The following SLC52A3 variants were observed in gnomAD, a reference collection of about 807,000 sequenced individuals.
SLC52A3 encodes the protein solute carrier family 52 member 3, also known as solute carrier family 52, riboflavin transporter, member 3.
In SLC52A3, 20 loss-of-function variants were observed where a neutral mutation model predicts 29.5. That is an observed-to-expected ratio of 0.68 (90% confidence interval 0.48 to 0.99). The LOEUF (loss-of-function observed/expected upper bound fraction) is 0.99. Among genes scored for constraint, SLC52A3 ranks in the 50% least tolerant of loss-of-function variants. The probability of loss-of-function intolerance (pLI) is 0.00; values close to 1 mark genes in which losing one functional copy is unlikely to be tolerated. For missense variants in SLC52A3, 548 were observed against 612.9 expected, an observed-to-expected ratio of 0.89 and a Z score of 1.12; for synonymous variants, 301 against 271.0, an observed-to-expected ratio of 1.11 and a Z score of -1.09.
At chr20:767,768 C>T (rs984779670) in intron 1 of SLC52A3, among the ~76,000 whole-genome samples, 2 of 152,064 alleles carry the variant, frequency 1.3e-5, no homozygotes, top group African/African-American at 4.8e-5. Flanking sequence ...TTTTTTCCTC[C>T]TGAAATTATA....
Position 765,551 on chromosome 20 carries a change from A to G in SLC52A3, c.224T>C (p.Ile75Thr), listed in dbSNP as rs797045193. Residue 75 changes from isoleucine (I) to threonine (T), a missense_variant, in exon 2 of 5, where the codon ATC (isoleucine) becomes ACC (threonine). Coordinates refer to ENST00000645534, the MANE Select transcript of SLC52A3 (RefSeq NM_033409.4). The surrounding 1 kb of genome is among the most constrained non-coding windows in gnomAD (Gnocchi z 6.6). ...RPSCLSEVPI[I>T]FTLLGVGTVT... ...GGTTCCCACGCCCAGCAGGGTGAAG[A>G]TGATGGGCACTTCGGAAAGGCAGCT... 16 of 1,577,912 alleles carry G rather than the reference A, an allele frequency of 1.0e-5. No individual in the cohort carries two copies. The highest frequency in any genetic ancestry group is 1.4e-5 in the Non-Finnish European group (16 of 1,161,802).
chr20:775,658 G>A (rs1170541681), intron 1 of SLC52A3, among the ~76,000 whole-genome samples: 7 of 152,128 alleles, frequency 4.6e-5, no homozygotes, highest in African/African-American at 1.4e-4. Context: ...ACTCCAACAT[G>A]CCAGCTGAGG....
chr20:774,347 C>T (rs952289073), intron 1 of SLC52A3, among the ~76,000 whole-genome samples: 1 of 152,338 alleles, frequency 6.6e-6, no homozygotes, highest in Admixed American at 6.5e-5. Flanking sequence ...GGGTTCCAGG[C>T]TCCTGGAGAA....
chr20:761,202 A>G lies in SLC52A3; in HGVS notation c.1234T>C (p.Tyr412His). 2.6e-6 allele frequency: 4 copies of G among 1,562,136 alleles called. No homozygotes were observed. The highest frequency in any genetic ancestry group is 3.5e-6 in the Non-Finnish European group (4 of 1,154,436). The change falls in exon 5 of 5, where the codon TAC (tyrosine) becomes CAC (histidine). Residue 412 changes from tyrosine to histidine, a missense_variant. Tyr to His is a moderately conservative substitution (Grantham distance 83, BLOSUM62 2). This residue lies in a region of SLC52A3 where 173 missense variants were observed against 141.8 expected (regional missense o/e 1.22). Coordinates refer to ENST00000645534, the MANE Select transcript of SLC52A3 (RefSeq NM_033409.4). The part of the protein sequence containing the change: ...SWVLFSGCLS[Y>H]VKVMLGVVLR... ...ACCACGCCCAGCATCACCTTGACGT[A>G]ACTGAGGCAGCCGCTGAAAAGCACC... is the stretch of plus-strand genomic sequence containing the variant.
At chr20:773,331 C>G (rs79883107), upstream of SLC52A3, among the ~76,000 whole-genome samples, 1,336 of 152,242 alleles carry the variant, frequency 8.8e-3, 23 homozygotes, top group African/African-American at 0.031. Flanking sequence ...AAATCTTGTT[C>G]CACAATCCTG....
intron 4 of SLC52A3, 25 bp from the exon 5 acceptor site, chr20:761,263 G>A: frequency 6.5e-7 from 1 of 1,539,210 alleles, no homozygotes; most frequent in Non-Finnish European, 8.8e-7. Context: ...GGGAAGAGGT[G>A]CAGAGTCACG....
chr20:760,714 G>T lies in SLC52A3; in HGVS notation c.*312C>A. On this transcript the variant is annotated 3_prime_UTR_variant, in exon 5 of 5. Transcript: ENST00000645534. The surrounding 1 kb of genome is among the most constrained non-coding windows in gnomAD (Gnocchi z 4.9). ...GGTCACACAGCCTGAAGGGACAGCC[G>T]GCTGTCCCAGCTGTTTCCCTTCTAA... The T allele has an allele frequency of 2.5e-6, 1 of 405,698 alleles. No individual in the cohort carries two copies. Among genetic ancestry groups the T allele is most frequent in the Admixed American group, 3.9e-5 (1 of 25,860 alleles). 25.1% of individuals were successfully genotyped at this position (405,698 alleles called of 1,614,324 possible). A position where few individuals can be genotyped will look rare whatever the true frequency, so the allele number is the denominator to read the frequency against.
rs759513169 is a variant in SLC52A3 at position 765,272 on chromosome 20, T to C, written c.503A>G (p.Asn168Ser). The C allele has an allele frequency of 6.2e-6, 10 of 1,614,118 alleles. No homozygotes were observed. Among genetic ancestry groups the C allele is most frequent in the Non-Finnish European group, 8.5e-6 (10 of 1,180,012 alleles). The change falls in exon 2 of 5, where the codon AAT (asparagine) becomes AGT (serine). Residue 168 changes from asparagine (N) to serine (S), a missense_variant. Physicochemically the swap from Asn to Ser is conservative, Grantham distance 46. Transcript: ENST00000645534. This position sits in a 1 kb window ranked among gnomAD's most constrained non-coding sequence, Gnocchi z 6.6. ...AQGSGLTTCV[N>S]VTEISDSVPS... is the part of the protein sequence containing the mutation. The stretch of plus-strand genomic sequence containing the variant: ...TACGCTGTCTGATATCTCAGTGACA[T>C]TGACGCAGGTAGTGAGACCGGAGCC...
intron 3 of SLC52A3, among the ~76,000 whole-genome samples, chr20:762,636 G>T (rs531925431): frequency 1.1e-4 from 17 of 152,314 alleles, no homozygotes; most frequent in Admixed American, 5.9e-4. Context: ...AACATTTGGG[G>T]TTTCTTGGAT....
upstream of SLC52A3, among the ~76,000 whole-genome samples, chr20:779,936 T>C (rs1987163747): frequency 6.6e-6 from 1 of 152,202 alleles, no homozygotes; most frequent in Admixed American, 6.5e-5. Flanking sequence ...TACCATTAAA[T>C]ACCTATGAGT....
chr20:761,964 G>T, intron 3 of SLC52A3, 140 bp from the exon 4 acceptor site: 1 of 1,306,952 alleles, frequency 7.7e-7, no homozygotes, highest in Non-Finnish European at 1.1e-6. Context: ...CCTGGCTCAA[G>T]TGGGTCAGGG....
intron 1 of SLC52A3, among the ~76,000 whole-genome samples, chr20:766,933 A>G (rs996228049): frequency 2.0e-5 from 3 of 152,230 alleles, no homozygotes; most frequent in African/African-American, 7.2e-5. Flanking sequence ...TTCATTCACA[A>G]TAGGAAAACT....
At position 765,939 on chromosome 20, in the gene SLC52A3, T is replaced by C; in HGVS notation, c.-51-114A>G. 6.6e-6 allele frequency: 4 copies of C among 606,594 alleles called. No individual in the cohort carries two copies. The highest frequency in any genetic ancestry group is 2.1e-5 in the South Asian group (1 of 47,706). The allele number at this position is 606,594 out of a possible 1,614,324, so 37.6% of individuals were successfully genotyped here. On this transcript the variant is annotated intron_variant, in intron 1 of 4. Coordinates refer to ENST00000645534, the MANE Select transcript of SLC52A3 (RefSeq NM_033409.4). This position sits in a 1 kb window ranked among gnomAD's most constrained non-coding sequence, Gnocchi z 6.6. ...TCCCCTTCCTGTGAACAAGCTGGCT[T>C]TTTTTTTTTTCCTTTGAGACATAGT...
chr20:779,265 G>A (rs115235815), upstream of SLC52A3, among the ~76,000 whole-genome samples: 1,197 of 152,300 alleles, frequency 7.9e-3, 17 homozygotes, highest in African/African-American at 0.027. Flanking sequence ...GCATGTCAGA[G>A]ATTGTGTAAA....
intron 1 of SLC52A3, among the ~76,000 whole-genome samples, chr20:767,874 A>G (rs1449727049): frequency 6.6e-6 from 1 of 152,034 alleles, no homozygotes; most frequent in African/African-American, 2.4e-5. Flanking sequence ...GTGGCAGCCC[A>G]CCTGTGCTGT....
At chr20:769,598 A>T (rs1161416189), upstream of SLC52A3, among the ~76,000 whole-genome samples, 2 of 152,334 alleles carry the variant, frequency 1.3e-5, no homozygotes, top group African/African-American at 2.4e-5. Flanking sequence ...AGTTGCATTC[A>T]AAAACATGTA....
At chr20:769,176 A>G (rs1986775778), upstream of SLC52A3, among the ~76,000 whole-genome samples, 1 of 152,236 alleles carries the variant, frequency 6.6e-6, no homozygotes, top group Admixed American at 6.5e-5. Context: ...GACAGCAGAT[A>G]TATTACTTTG....
upstream of SLC52A3, among the ~76,000 whole-genome samples, chr20:772,782 A>C (rs767570290): frequency 6.6e-5 from 10 of 152,210 alleles, no homozygotes; most frequent in Non-Finnish European, 1.5e-4. Flanking sequence ...GATGGTGGCA[A>C]GGACTCCGGA....
chr20:762,919 C>T (rs980680474), intron 3 of SLC52A3, among the ~76,000 whole-genome samples: 3 of 152,200 alleles, frequency 2.0e-5, no homozygotes, highest in Admixed American at 6.5e-5. Flanking sequence ...GCCTCAGAAC[C>T]GTCTGGTTTC....
Sources: allele counts gnomAD v4.1 joint callset (sites outside exome capture counted in the v4.1 genomes callset), GRCh38; gene constraint gnomAD v4.1.1; regional missense constraint gnomAD v4.1.1; non-coding constraint Gnocchi (gnomAD v3.1); transcripts MANE v1.5; gene names NCBI Gene and HGNC (gene_info 2026-07-23, HGNC 2026-07-21).